The following RAB17 variants were observed in gnomAD, a reference collection of about 807,000 sequenced individuals.
RAB17 encodes RAB17, member RAS oncogene family, also known as ras-related protein Rab-17.
RAB17 carries 15 observed loss-of-function variants against 19.3 expected under a neutral mutation model. That is an observed-to-expected ratio of 0.78 (90% CI 0.52 to 1.20). The LOEUF (loss-of-function observed/expected upper bound fraction) is 1.20, where lower values mean the gene tolerates loss of function less well. RAB17 is among the 50% of genes most tolerant of loss of function. The pLI is 0.00. For missense variants in RAB17, 262 were observed against 269.3 expected (o/e 0.97, Z 0.19); for synonymous variants, 110 against 112.8 (o/e 0.97, Z 0.16).
At chr2:237,582,501 C>T (rs2081316428) in intron 2 of RAB17, among the ~76,000 whole-genome samples, 1 of 152,196 alleles carries the variant, frequency 6.6e-6, no homozygotes, top group East Asian at 1.9e-4. Flanking sequence ...TGCCTGTGGC[C>T]ATCCATCCTG....
rs756360963 is a variant in RAB17 at position 237,578,046 on chromosome 2, C to G, written c.267G>C (p.Arg89Ser). 2 of 1,613,372 alleles carry G rather than the reference C, an allele frequency of 1.2e-6. No individual in the cohort carries two copies. Among genetic ancestry groups the G allele is most frequent in the Non-Finnish European group, 1.7e-6 (2 of 1,179,342 alleles). The change falls in exon 3 of 6, where the codon AGG becomes AGC. Residue 89 changes from arginine to serine, a missense_variant. Arg to Ser is a moderately radical substitution (Grantham distance 110). Coordinates refer to ENST00000264601, the MANE Select transcript of RAB17 (RefSeq NM_022449.4). ...ACACCAGAAGCGCAGCGTTGGCACCCCTGAAGTAGAGGTGGCAGACGCTGT... is the reference window on the plus strand; with the variant it reads ...ACACCAGAAGCGCAGCGTTGGCACCGCTGAAGTAGAGGTGGCAGACGCTGT... The part of the protein sequence containing the change: ...KYHSVCHLYF[R>S]GANAALLVYD...
intron 3 of RAB17, 155 bp downstream of exon 3, chr2:237,577,849 G>A (rs994011901): frequency 1.0e-5 from 8 of 799,120 alleles, no homozygotes; most frequent in East Asian, 1.0e-4. Flanking sequence ...GGAGGAGGAT[G>A]GGGGGTTGTC....
At chr2:237,575,827 C>CAT (rs148994830) in intron 4 of RAB17, 3,257 of 274,354 alleles carry the variant, frequency 0.012, 102 homozygotes, top group African/African-American at 0.064. Flanking sequence ...ACCCAGGAAA[C>CAT]ATGAGGCAGA....
intron 2 of RAB17, chr2:237,578,639 C>T (rs2081285065): frequency 6.4e-6 from 1 of 155,814 alleles, no homozygotes; most frequent in Admixed American, 6.2e-5. Flanking sequence ...TGCTAACCTC[C>T]CCACTTTCCC....
intron 3 of RAB17, chr2:237,577,803 T>G: frequency 1.6e-6 from 1 of 616,104 alleles, no homozygotes; most frequent in East Asian, 2.7e-5. Flanking sequence ...CAACGGCATG[T>G]TCTTTGTGGA....
intron 2 of RAB17, 121 bp from the exon 3 acceptor site, chr2:237,578,276 T>C: frequency 1.0e-6 from 1 of 958,112 alleles, no homozygotes; most frequent in Non-Finnish European, 1.5e-6. Context: ...GCCATGCATC[T>C]CCCACGCCCG....
intron 1 of RAB17, among the ~76,000 whole-genome samples, 161 bp downstream of exon 1, chr2:237,590,306 C>T (rs1355270627): frequency 6.6e-6 from 1 of 152,100 alleles, no homozygotes; most frequent in Non-Finnish European, 1.5e-5. Flanking sequence ...TTTGATTATA[C>T]ACACATGGGC....
chr2:237,585,205 G>A (rs2081340211), intron 2 of RAB17, among the ~76,000 whole-genome samples: 2 of 152,220 alleles, frequency 1.3e-5, no homozygotes, highest in African/African-American at 4.8e-5. Context: ...TGTTAGATGA[G>A]TAAATGAATG....
rs201963999 is a variant in RAB17, at chr2:237,577,291, G to A, written c.401C>T (p.Thr134Met). Residue 134 changes from threonine to methionine, a missense_variant, in exon 4 of 6, where the codon ACG becomes ATG. Coordinates refer to ENST00000264601, the MANE Select transcript of RAB17 (RefSeq NM_022449.4). ...CACCTCCCGCTCCTGGCTGAGGTCC[G>A]TCTTGTTGCCCACCAGCATCACCAG... ...EVLVMLVGNKTDLSQEREVTF... is the reference protein window; with the variant it reads ...EVLVMLVGNKMDLSQEREVTF... 142 of 1,613,890 alleles carry A rather than the reference G, an allele frequency of 8.8e-5. 1 individual carries two copies. The highest frequency in any genetic ancestry group is 6.7e-4 in the Middle Eastern group (4 of 5,976).
chr2:237,581,218 C>A (rs1040413805), intron 2 of RAB17, among the ~76,000 whole-genome samples: 4 of 151,864 alleles, frequency 2.6e-5, no homozygotes, highest in Admixed American at 6.6e-5. Context: ...CTACAAAAAA[C>A]ACAAAAATTA....
At chr2:237,585,911 G>T in intron 2 of RAB17, 87 bp downstream of exon 2, 1 of 1,395,974 alleles carries the variant, frequency 7.2e-7, no homozygotes, top group African/African-American at 1.5e-5. Flanking sequence ...TCCTAGGTGG[G>T]CCTCGTCCCC....
At chr2:237,579,083 T>A (rs528424304) in intron 2 of RAB17, 1 of 152,306 alleles carries the variant, frequency 6.6e-6, no homozygotes, top group South Asian at 2.1e-4. Context: ...GTGTGGCTTG[T>A]CAGGAATGTG....
Position 237,581,591 on chromosome 2 carries a change from CT to C in RAB17, c.158-3437del, listed in dbSNP as rs534313158. Among the ~76,000 whole-genome samples, 52 of 152,170 alleles carry C rather than the reference CT, an allele frequency of 3.4e-4. 2 individuals carry two copies. In the South Asian group the frequency reaches 9.4e-3, roughly 27 times the overall value. On this transcript the variant is annotated intron_variant, in intron 2 of 5. Coordinates refer to ENST00000264601, the MANE Select transcript of RAB17 (RefSeq NM_022449.4). ...TGTTAATATCATTTAAGTGGTTTTGCTTTTTTTACCTTTTAATTTAAATAAA... is the reference window on the plus strand; with the variant it reads ...TGTTAATATCATTTAAGTGGTTTTGCTTTTTTACCTTTTAATTTAAATAAA...
chr2:237,579,014 A>C (rs2081288582), intron 2 of RAB17: 1 of 152,078 alleles, frequency 6.6e-6, no homozygotes, highest in African/African-American at 2.4e-5. Flanking sequence ...TTGCTTTCCA[A>C]AGTTATATGA....
At chr2:237,580,980 G>T (rs1276249306) in intron 2 of RAB17, among the ~76,000 whole-genome samples, 1 of 152,156 alleles carries the variant, frequency 6.6e-6, no homozygotes, top group Non-Finnish European at 1.5e-5. Flanking sequence ...ACCTAGTCTC[G>T]TGCACTCCGT....
intron 4 of RAB17, among the ~76,000 whole-genome samples, chr2:237,576,268 G>GAGCTCCCCAGCC (rs1408237434): frequency 6.6e-6 from 1 of 152,046 alleles, no homozygotes; most frequent in East Asian, 1.9e-4. Context: ...TGTCCCCACT[G>GAGCTCCCCAGCC]AGCTCCCCAG....
Position 237,574,986 on chromosome 2 carries a change from T to A in RAB17, c.*33A>T. On this transcript the variant is annotated 3_prime_UTR_variant, in exon 6 of 6. Coordinates refer to ENST00000264601, the MANE Select transcript of RAB17 (RefSeq NM_022449.4). ...AGCTGGCCATGGCCCAGGCAGGGGGTGTCTTCCCCACAGCCCCCAGGAGTG... is the reference window on the plus strand; with the variant it reads ...AGCTGGCCATGGCCCAGGCAGGGGGAGTCTTCCCCACAGCCCCCAGGAGTG... 2 of 1,477,774 alleles carry A rather than the reference T, an allele frequency of 1.4e-6. No homozygotes were observed. Among genetic ancestry groups the A allele is most frequent in the Non-Finnish European group, 1.8e-6 (2 of 1,085,640 alleles). 91.5% of individuals were successfully genotyped at this position (1,477,774 alleles called of 1,614,324 possible).
rs1032018525 is a variant in RAB17 at position 237,575,092 on chromosome 2, T to G, written c.566A>C (p.Gln189Pro). 6.2e-7 allele frequency: 1 copy of G among 1,613,686 alleles called. No individual in the cohort carries two copies. The highest frequency in any genetic ancestry group is 1.3e-5 in the African/African-American group (1 of 75,032). The change falls in exon 6 of 6, where the codon CAG (glutamine) becomes CCG (proline). Residue 189 changes from glutamine to proline, a missense_variant. Coordinates refer to ENST00000264601, the MANE Select transcript of RAB17 (RefSeq NM_022449.4). ...CACAGCTGCATCCCCCCGTAGAGCCTGGCCCTCCTCGTCGCTTCTCTGCAG... is the reference window on the plus strand; with the variant it reads ...CACAGCTGCATCCCCCCGTAGAGCCGGGCCCTCCTCGTCGCTTCTCTGCAG... ...ELLQRSDEEG[Q>P]ALRGDAAVAL...
At chr2:237,584,801 T>C (rs1416068446) in intron 2 of RAB17, among the ~76,000 whole-genome samples, 1 of 152,210 alleles carries the variant, frequency 6.6e-6, no homozygotes, top group Non-Finnish European at 1.5e-5. Flanking sequence ...TTTTGATGTA[T>C]TTTTAAAGGA....
Sources: gnomAD v4.1 joint callset for allele counts (sites outside exome capture counted in the v4.1 genomes callset) on GRCh38, gnomAD v4.1.1 for gene constraint, MANE v1.5 for transcripts, NCBI Gene and HGNC (gene_info 2026-07-23, HGNC 2026-07-21) for gene names.